Variants in CACNA2D3 observed in about 807,000 individuals in gnomAD.
CACNA2D3 encodes the protein voltage-dependent calcium channel subunit alpha-2/delta-3.
In CACNA2D3, 60 loss-of-function variants were observed where a neutral mutation model predicts 160.6. The ratio of observed to expected loss-of-function variants is 0.37; its 90% CI spans 0.30 to 0.46. CACNA2D3 has a LOEUF of 0.46. Among genes scored for constraint, CACNA2D3 ranks in the 20% least tolerant of loss-of-function variants. CACNA2D3 has a pLI of 1.00. For missense variants in CACNA2D3, 1,205 were observed against 1,365.0 expected (o/e 0.88, Z 1.85); for synonymous variants, 558 against 492.9 (o/e 1.13, Z -1.75).
At chr3:54,436,777 C>T (rs558037170) in intron 4 of CACNA2D3, among the ~76,000 whole-genome samples, 9 of 151,392 alleles carry the variant, frequency 5.9e-5, no homozygotes, top group South Asian at 4.2e-4. Context: ...TGGGGCCTGT[C>T]GGGGGTGGGG....
At chr3:55,006,914 G>A (rs973394569) in intron 32 of CACNA2D3, among the ~76,000 whole-genome samples, 3 of 152,182 alleles carry the variant, frequency 2.0e-5, no homozygotes, top group South Asian at 2.1e-4. Flanking sequence ...TCAATTCTCC[G>A]ATATCTAAAG....
chr3:54,355,648 G>T (rs1315756009), intron 3 of CACNA2D3, among the ~76,000 whole-genome samples: 4 of 152,178 alleles, frequency 2.6e-5, no homozygotes, highest in Non-Finnish European at 5.9e-5. Flanking sequence ...TTAAGTTTGA[G>T]ATGTCTATTA....
intron 2 of CACNA2D3, among the ~76,000 whole-genome samples, chr3:54,219,044 G>T (rs968370306): frequency 6.6e-6 from 1 of 152,146 alleles, no homozygotes; most frequent in Non-Finnish European, 1.5e-5. Context: ...GACATCTTTG[G>T]GGGTATATGG....
chr3:55,015,642 C>T (rs191812013), intron 34 of CACNA2D3, among the ~76,000 whole-genome samples: 36 of 152,136 alleles, frequency 2.4e-4, no homozygotes, highest in African/African-American at 8.7e-4. Context: ...AACTGAAAAC[C>T]AGAATGACTT....
At chr3:54,512,200 C>G (rs1187896699) in intron 5 of CACNA2D3, among the ~76,000 whole-genome samples, 2 of 152,056 alleles carry the variant, frequency 1.3e-5, no homozygotes, top group African/African-American at 2.4e-5. Context: ...GGCCAGCCAT[C>G]GGGCTCGCAC....
rs1202104825 is a variant in CACNA2D3 at position 54,457,085 on chromosome 3, ATTTC to A, written c.382-46398_382-46395del. 2.0e-5 allele frequency among the ~76,000 whole-genome samples: 3 copies of A among 149,118 alleles called. 1 individual carries two copies. The highest frequency in any genetic ancestry group is 6.7e-5 in the Admixed American group (1 of 15,002). On this transcript the variant is annotated intron_variant, in intron 4 of 37. Transcript: ENST00000474759. ...TTTTTGTTCTGTTGGTCTCAATTTT[ATTTC>A]TTTCTTTCCATGTACTAATTTGGGG...
intron 9 of CACNA2D3, among the ~76,000 whole-genome samples, chr3:54,589,061 T>C (rs1256221763): frequency 6.6e-6 from 1 of 152,020 alleles, no homozygotes; most frequent in East Asian, 1.9e-4. Flanking sequence ...GTCCCTAGAA[T>C]AGTAAGATGA....
intron 8 of CACNA2D3, among the ~76,000 whole-genome samples, chr3:54,577,136 C>T (rs4955861): frequency 0.34 from 51,750 of 152,086 alleles, 9,757 homozygotes; most frequent in Middle Eastern, 0.43. Flanking sequence ...AAGTAAAAAA[C>T]GGTTCATTGT....
chr3:54,603,088 C>T (rs115757633), intron 9 of CACNA2D3, among the ~76,000 whole-genome samples: 1,906 of 152,234 alleles, frequency 0.013, 34 homozygotes, highest in African/African-American at 0.044. Context: ...AAGAAATAAC[C>T]GGAGATGAGG....
intron 4 of CACNA2D3, among the ~76,000 whole-genome samples, chr3:54,391,527 T>C (rs887354058): frequency 2.0e-5 from 3 of 151,768 alleles, no homozygotes; most frequent in African/African-American, 7.3e-5. Context: ...TTTTTTTTTT[T>C]TGAGACAGAG....
intron 27 of CACNA2D3, among the ~76,000 whole-genome samples, chr3:54,930,566 C>A (rs946826121): frequency 1.2e-4 from 19 of 152,184 alleles, no homozygotes; most frequent in Non-Finnish European, 2.8e-4. Context: ...TGTTGGAGGT[C>A]AAGACCCTGG....
chr3:54,707,257 G>T (rs1700874230), intron 11 of CACNA2D3, among the ~76,000 whole-genome samples: 1 of 152,186 alleles, frequency 6.6e-6, no homozygotes, highest in South Asian at 2.1e-4. Context: ...AGTTCTAAGG[G>T]TCATTCTTGG....
At chr3:54,714,743 A>G (rs1008265096) in intron 11 of CACNA2D3, among the ~76,000 whole-genome samples, 20 of 152,224 alleles carry the variant, frequency 1.3e-4, no homozygotes, top group African/African-American at 4.6e-4. Context: ...GTTGAAGGAA[A>G]TGAAATCGAT....
At chr3:55,013,811 G>A (rs1703263851) in intron 34 of CACNA2D3, among the ~76,000 whole-genome samples, 1 of 152,120 alleles carries the variant, frequency 6.6e-6, no homozygotes, top group African/African-American at 2.4e-5. Context: ...GAAGAGGAAG[G>A]CTTTTCAAAT....
At chr3:55,029,920 A>G (rs1181539569) in intron 35 of CACNA2D3, among the ~76,000 whole-genome samples, 1 of 152,306 alleles carries the variant, frequency 6.6e-6, no homozygotes, top group Admixed American at 6.5e-5. Context: ...GTAAATCAAT[A>G]GGATTCATTT....
intron 3 of CACNA2D3, among the ~76,000 whole-genome samples, chr3:54,352,683 A>C (rs576164636): frequency 6.6e-6 from 1 of 152,322 alleles, no homozygotes; most frequent in South Asian, 2.1e-4. Flanking sequence ...AAATTGCAGC[A>C]TGCTCCCAAA....
At chr3:54,345,016 G>A (rs952610109) in intron 3 of CACNA2D3, among the ~76,000 whole-genome samples, 1 of 152,198 alleles carries the variant, frequency 6.6e-6, no homozygotes, top group African/African-American at 2.4e-5. Flanking sequence ...AATTGCCATG[G>A]CAACGACAGG....
intron 17 of CACNA2D3, among the ~76,000 whole-genome samples, chr3:54,856,294 C>G (rs1472992437): frequency 6.6e-6 from 1 of 152,170 alleles, no homozygotes. Context: ...TCGCTGTGCA[C>G]TGGGTAGCTA....
At chr3:54,324,780 G>C (rs563460658) in intron 3 of CACNA2D3, among the ~76,000 whole-genome samples, 1 of 152,122 alleles carries the variant, frequency 6.6e-6, no homozygotes, top group Non-Finnish European at 1.5e-5. Context: ...TTTGCTTTTA[G>C]TTCATTAACA....
Sources: allele counts gnomAD v4.1 joint callset (sites outside exome capture counted in the v4.1 genomes callset), GRCh38; gene constraint gnomAD v4.1.1; transcripts MANE v1.5; gene names NCBI Gene and HGNC (gene_info 2026-07-23, HGNC 2026-07-21).